The following ETFA variants were observed in gnomAD, a reference collection of about 807,000 sequenced individuals.
ETFA encodes electron transfer flavoprotein subunit alpha.
In ETFA, 22 loss-of-function variants were observed where a neutral mutation model predicts 46.2. The observed-to-expected ratio is 0.48, with a 90% confidence interval of 0.34 to 0.68. ETFA has a LOEUF of 0.68. Ranked by LOEUF, ETFA falls within the 30% of genes least tolerant of loss-of-function variation. ETFA has a pLI of 0.01. For synonymous variants in ETFA, 131 were observed against 139.9 expected, an observed-to-expected ratio of 0.94 and a Z score of 0.45; for missense variants, 345 against 401.1, an observed-to-expected ratio of 0.86 and a Z score of 1.19.
At chr15:76,253,257 A>G (rs1000810903) in intron 9 of ETFA, among the ~76,000 whole-genome samples, 1 of 152,206 alleles carries the variant, frequency 6.6e-6, no homozygotes, top group Non-Finnish European at 1.5e-5. Context: ...TTGTTCCATA[A>G]TCTTTCATAT....
At chr15:76,230,914 G>C (rs991158635) in intron 10 of ETFA, 1 of 178,150 alleles carries the variant, frequency 5.6e-6, no homozygotes, top group South Asian at 1.2e-4. Context: ...AGCAGACAGA[G>C]AGAGAATCAG....
chr15:76,234,679 G>C (rs2039105216), intron 9 of ETFA, among the ~76,000 whole-genome samples: 2 of 152,268 alleles, frequency 1.3e-5, no homozygotes, highest in South Asian at 4.2e-4. Context: ...GAAGAGAATG[G>C]ATCAACCCCA....
chr15:76,222,138 ATAAT>A (rs1301438445), intron 11 of ETFA, among the ~76,000 whole-genome samples: 4 of 151,344 alleles, frequency 2.6e-5, no homozygotes, highest in East Asian at 1.9e-4. Context: ...CATAATTTGT[ATAAT>A]TAATTGTATT....
Position 76,216,256 on chromosome 15 carries a change from TTTC to T in ETFA, c.*300_*302del. Reference sequence around the variant, plus strand: ...ATAAATAAACAAAATTTTTACTCCTTTTCTTCAATTTTCTCTAGAGGCTAGGCA... The same window carrying T: ...ATAAATAAACAAAATTTTTACTCCTTTTCAATTTTCTCTAGAGGCTAGGCA... On this transcript the variant is annotated 3_prime_UTR_variant, in exon 12 of 12. Transcript: ENST00000557943. The T allele has an allele frequency of 3.7e-6, 1 of 271,340 alleles. No homozygotes were observed. The highest frequency in any genetic ancestry group is 7.7e-5 in the East Asian group (1 of 12,960). The allele number at this position is 271,340 out of a possible 1,614,324, so 16.8% of individuals were successfully genotyped here. A position where few individuals can be genotyped will look rare whatever the true frequency, so the allele number is the denominator to read the frequency against.
At chr15:76,304,702 G>A (rs1279497400) in intron 1 of ETFA, among the ~76,000 whole-genome samples, 3 of 149,462 alleles carry the variant, frequency 2.0e-5, no homozygotes, top group Non-Finnish European at 4.5e-5. Flanking sequence ...ATACAGCAAT[G>A]ATAAATGATT....
At chr15:76,285,881 T>A (rs2039700764) in intron 6 of ETFA, 143 bp from the exon 7 acceptor site, 3 of 665,864 alleles carry the variant, frequency 4.5e-6, no homozygotes, top group Non-Finnish European at 5.4e-6. Context: ...TAATTAATTC[T>A]CTCTGATAAT....
intron 11 of ETFA, among the ~76,000 whole-genome samples, chr15:76,217,945 A>G (rs879817000): frequency 4.6e-5 from 7 of 152,226 alleles, no homozygotes; most frequent in Non-Finnish European, 1.0e-4. Context: ...TAAAAGGCCC[A>G]TGTTTACCAT....
intron 11 of ETFA, among the ~76,000 whole-genome samples, chr15:76,217,101 A>C (rs2038904520): frequency 6.6e-6 from 1 of 151,982 alleles, no homozygotes; most frequent in African/African-American, 2.4e-5. Flanking sequence ...ACAGGCGTGA[A>C]CCACTGCACA....
intron 9 of ETFA, among the ~76,000 whole-genome samples, chr15:76,271,784 T>C (rs1596211185): frequency 6.6e-6 from 1 of 152,330 alleles, no homozygotes; most frequent in Middle Eastern, 3.4e-3. Context: ...TTTTGTTCTC[T>C]ACTTGTAAGT....
chr15:76,297,742 C>A (rs1163446642), intron 1 of ETFA, among the ~76,000 whole-genome samples: 1 of 151,992 alleles, frequency 6.6e-6, no homozygotes. Flanking sequence ...ATTTAAGAAC[C>A]CACTCAGTCC....
chr15:76,277,128 G>A (rs115752468), intron 8 of ETFA, among the ~76,000 whole-genome samples: 2,497 of 152,270 alleles, frequency 0.016, 69 homozygotes, highest in African/African-American at 0.055. Flanking sequence ...TACTAAGACC[G>A]TACCTCAATA....
chr15:76,275,210 C>G (rs2039579810), intron 8 of ETFA, among the ~76,000 whole-genome samples: 1 of 152,180 alleles, frequency 6.6e-6, no homozygotes, highest in Non-Finnish European at 1.5e-5. Flanking sequence ...TGCATGCTCC[C>G]TAACCTGCAC....
chr15:76,217,561 AT>A, intron 11 of ETFA: 1 of 447,634 alleles, frequency 2.2e-6, no homozygotes, highest in Non-Finnish European at 4.5e-6. Flanking sequence ...GTTGGCTCCC[AT>A]TTTAAAAAGG....
chr15:76,280,820 C>G (rs572593510), intron 8 of ETFA, among the ~76,000 whole-genome samples: 1 of 152,066 alleles, frequency 6.6e-6, no homozygotes, highest in East Asian at 1.9e-4. Flanking sequence ...GTTAGACAGG[C>G]TCTGTGCACT....
chr15:76,266,259 A>G (rs942959510), intron 9 of ETFA, among the ~76,000 whole-genome samples: 4 of 152,194 alleles, frequency 2.6e-5, no homozygotes, highest in Non-Finnish European at 5.9e-5. Context: ...TTAGCTGCCC[A>G]AGATTATGAA....
At chr15:76,277,451 A>G (rs112345910) in intron 8 of ETFA, among the ~76,000 whole-genome samples, 70 of 152,140 alleles carry the variant, frequency 4.6e-4, no homozygotes, top group African/African-American at 1.6e-3. Flanking sequence ...AATTCACAAA[A>G]ATGTTGGGAC....
chr15:76,274,200 T>C (rs753204513), intron 9 of ETFA: 11 of 562,880 alleles, frequency 2.0e-5, no homozygotes, highest in African/African-American at 3.8e-5. Context: ...TGCTTTAAAA[T>C]ACTTGAATAA....
intron 1 of ETFA, among the ~76,000 whole-genome samples, chr15:76,306,763 C>T (rs1415682753): frequency 6.6e-6 from 1 of 152,070 alleles, no homozygotes; most frequent in Non-Finnish European, 1.5e-5. Flanking sequence ...AGCTTTTAAT[C>T]ATGACCAGAA....
rs1450629092 is a variant in ETFA, at chr15:76,305,518, CTG to C, written c.39+5830_39+5831del. Among the ~76,000 whole-genome samples the C allele has an allele frequency of 2.0e-5, 3 of 152,186 alleles. No individual in the cohort carries two copies. The East Asian group carries it at 5.8e-4, about 29-fold the overall frequency. On this transcript the variant is annotated intron_variant, in intron 1 of 11. Coordinates refer to ENST00000557943, the MANE Select transcript of ETFA (RefSeq NM_000126.4). ...TGCTTTTAGAGAAGTTCTCTATACT[CTG>C]TTTAGACTTGGTTGCAAATAGCAAA...
Sources: gnomAD v4.1 joint callset for allele counts (sites outside exome capture counted in the v4.1 genomes callset) on GRCh38, gnomAD v4.1.1 for gene constraint, MANE v1.5 for transcripts, NCBI Gene and HGNC (gene_info 2026-07-23, HGNC 2026-07-21) for gene names.